GZF1: variants seen among roughly 807,000 people sequenced by gnomAD.
GZF1 encodes GDNF-inducible zinc finger protein 1.
In GZF1, 28 loss-of-function variants were observed where a neutral mutation model predicts 49.4. The ratio of observed to expected loss-of-function variants is 0.57; its 90% CI spans 0.42 to 0.78. GZF1 has a LOEUF of 0.78. GZF1 is among the 30% of genes least tolerant of loss of function. GZF1 has a pLI of 0.00. For synonymous variants in GZF1, 364 were observed against 356.0 expected (o/e 1.02, Z -0.25); for missense variants, 798 against 916.2 (o/e 0.87, Z 1.67).
upstream of GZF1, among the ~76,000 whole-genome samples, chr20:23,361,630 C>T (rs1333062495): frequency 6.6e-6 from 1 of 152,198 alleles, no homozygotes; most frequent in African/African-American, 2.4e-5. Flanking sequence ...TTCTCCAGCG[C>T]CCGTGGAGGC....
chr20:23,366,855 T>C (rs1981455623), intron 2 of GZF1, 148 bp from the exon 3 acceptor site: 1 of 638,402 alleles, frequency 1.6e-6, no homozygotes, highest in African/African-American at 1.8e-5. Context: ...TATTTTGGGA[T>C]GGAGATTATG....
In GZF1 at chr20:23,365,273, CGGAGGAGGAAGAGGAGGAGGA is replaced by C. The variant is rs547594353; in HGVS notation, c.900_920del (p.Glu300_Glu306del). 2.0e-4 allele frequency: 325 copies of C among 1,606,106 alleles called. 2 individuals are homozygous for C. The African/African-American group carries it at 4.1e-3, about 20-fold the overall frequency. ...GAGGAATTGTCAAAGAAAGCAGGGC[CGGAGGAGGAAGAGGAGGAGGA>C]GGAGGAGGACGAAGAAGGGGAGAAG... On this transcript the variant is annotated inframe_deletion, in exon 2 of 6. Coordinates refer to ENST00000338121, the MANE Select transcript of GZF1 (RefSeq NM_022482.5).
Position 23,365,607 on chromosome 20 carries a change from C to CT in GZF1, c.1225dup (p.Cys409LeufsTer58). ...ATGAGGGCGGCGGCGAGCGGCACCG[C>CT]TGCGGCCAGTGCGGCAAGGGCCTGA... On this transcript the variant is annotated frameshift_variant, in exon 2 of 6. Transcript: ENST00000338121. LOFTEE classifies it high-confidence loss of function. The CT allele has an allele frequency of 6.2e-7, 1 of 1,607,374 alleles. No individual in the cohort carries two copies. Among genetic ancestry groups the CT allele is most frequent in the Non-Finnish European group, 8.5e-7 (1 of 1,179,448 alleles).
Position 23,369,665 on chromosome 20 carries a change from CA to C in GZF1, c.1710del (p.Glu572ArgfsTer39). On this transcript the variant is annotated frameshift_variant, in exon 5 of 6. Transcript: ENST00000338121. LOFTEE classifies it high-confidence loss of function. ...NALQRHRRIH[T>X]GERPFMCNAC... ...CTCCAGCGCCACCGCCGCATCCACA[CA>C]GGGGAGAGGCCATTCATGTGCAATG... 6.2e-7 allele frequency: 1 copy of C among 1,614,194 alleles called. No individual in the cohort carries two copies. Among genetic ancestry groups the C allele is most frequent in the Non-Finnish European group, 8.5e-7 (1 of 1,180,024 alleles).
At position 23,364,617 on chromosome 20, in the gene GZF1, C is replaced by T; in HGVS notation, c.234C>T (p.Tyr78=). The T allele has an allele frequency of 6.2e-7, 1 of 1,614,234 alleles. No homozygotes were observed. The highest frequency in any genetic ancestry group is 8.5e-7 in the Non-Finnish European group (1 of 1,180,036). The change falls in exon 2 of 6, where the codon TAC becomes TAT. Residue 78 remains tyrosine (Y), a synonymous_variant. Transcript: ENST00000338121. Reference sequence around the variant, plus strand: ...TGGATGGTACTAGGACTAATGTCTACTTAAATGAAGTGCAGGTTGCTGACT... The same window carrying T: ...TGGATGGTACTAGGACTAATGTCTATTTAAATGAAGTGCAGGTTGCTGACT... The part of the protein sequence containing the change: ...KSVDGTRTNV[Y]LNEVQVADFA...
intron 1 of GZF1, 115 bp from the exon 2 acceptor site, chr20:23,364,248 T>G: frequency 1.7e-6 from 1 of 575,530 alleles, no homozygotes; most frequent in Non-Finnish European, 3.0e-6. Context: ...TTTACCTGAG[T>G]AAAGCTAGGT....
rs1254174195 is a variant in GZF1 at position 23,372,136 on chromosome 20, G to A, written c.*1695G>A. ...TTTATGGAATAAAGTCACTTGATCA[G>A]AAGGAATTGAAACAATAGATCATTT... On this transcript the variant is annotated 3_prime_UTR_variant, in exon 6 of 6. Coordinates refer to ENST00000338121, the MANE Select transcript of GZF1 (RefSeq NM_022482.5). 2.0e-5 allele frequency: 3 copies of A among 152,626 alleles called. No individual in the cohort carries two copies. The East Asian group carries it at 5.8e-4, about 29-fold the overall frequency. 9.5% of individuals were successfully genotyped at this position (152,626 alleles called of 1,614,324 possible). A position where few individuals can be genotyped will look rare whatever the true frequency, so the allele number is the denominator to read the frequency against.
In GZF1 at chr20:23,370,463, CTGTT is replaced by C. The variant is rs764150114; in HGVS notation, c.*23_*26del. The C allele has an allele frequency of 2.2e-4, 315 of 1,441,350 alleles. 1 individual carries two copies. Among genetic ancestry groups the C allele is most frequent in the Non-Finnish European group, 2.9e-4 (297 of 1,028,512 alleles). The allele number at this position is 1,441,350 out of a possible 1,614,324, so 89.3% of individuals were successfully genotyped here. A position where few individuals can be genotyped will look rare whatever the true frequency, so the allele number is the denominator to read the frequency against. On this transcript the variant is annotated 3_prime_UTR_variant, in exon 6 of 6. Coordinates refer to ENST00000338121, the MANE Select transcript of GZF1 (RefSeq NM_022482.5). ...ATAAGAGCTTCAAGCAGTTCCCATC[CTGTT>C]AGTCTGCGTGTGTGGTAGCTGAACT...
In GZF1 at chr20:23,372,215, A is replaced by C. The variant is rs1336562171; in HGVS notation, c.*1774A>C. 4 of 152,648 alleles carry C rather than the reference A, an allele frequency of 2.6e-5. No homozygotes were observed. The highest frequency in any genetic ancestry group is 9.7e-5 in the African/African-American group (4 of 41,448). 9.5% of individuals were successfully genotyped at this position (152,648 alleles called of 1,614,324 possible). On this transcript the variant is annotated 3_prime_UTR_variant, in exon 6 of 6. Coordinates refer to ENST00000338121, the MANE Select transcript of GZF1 (RefSeq NM_022482.5). ...GAATTTGTTTCCTTAGAAATTCTAC[A>C]AAAAAATGTTGTTAATAAATGTCTG...
Position 23,365,617 on chromosome 20 carries a change from T to TG in GZF1, c.1235dup (p.Cys412TrpfsTer55). On this transcript the variant is annotated frameshift_variant, in exon 2 of 6. Coordinates refer to ENST00000338121, the MANE Select transcript of GZF1 (RefSeq NM_022482.5). LOFTEE classifies it high-confidence loss of function. The stretch of plus-strand genomic sequence containing the variant: ...CGGCGAGCGGCACCGCTGCGGCCAG[T>TG]GCGGCAAGGGCCTGAGTTCCAAGAC... 1.2e-6 allele frequency: 2 copies of TG among 1,606,078 alleles called. No individual in the cohort carries two copies. Among genetic ancestry groups the TG allele is most frequent in the Non-Finnish European group, 1.7e-6 (2 of 1,179,372 alleles).
chr20:23,365,845 C>A, intron 2 of GZF1, 98 bp downstream of exon 2: 1 of 1,416,692 alleles, frequency 7.1e-7, no homozygotes, highest in Non-Finnish European at 9.2e-7. Context: ...CTTAATTTCT[C>A]CGCTCCAAAC....
chr20:23,369,533 G>A, intron 4 of GZF1, 51 bp from the exon 5 acceptor site: 1 of 1,523,628 alleles, frequency 6.6e-7, no homozygotes, highest in Non-Finnish European at 8.9e-7. Context: ...TCAGAATTAA[G>A]CACAGTAGGC....
intron 2 of GZF1, 78 bp from the exon 3 acceptor site, chr20:23,366,925 C>A: frequency 1.0e-6 from 1 of 984,112 alleles, no homozygotes; most frequent in Non-Finnish European, 1.6e-6. Flanking sequence ...ACGATTTTTG[C>A]AGGATAGAGT....
chr20:23,365,696 C>T lies in GZF1; in HGVS notation c.1313C>T (p.Thr438Ile), dbSNP rs926207548. Residue 438 changes from threonine (T) to isoleucine (I), a missense_variant, in exon 2 of 6, where the codon ACC becomes ATC. Thr to Ile is a moderately conservative substitution (Grantham distance 89, BLOSUM62 -1). Transcript: ENST00000338121. ...THTGDRPYGC[T>I]ECGARFSQPS... ...ACGGGAGACCGGCCCTACGGCTGCACCGAGTGCGGCGCCAGGTTCTCGCAG... is the reference window on the plus strand; with the variant it reads ...ACGGGAGACCGGCCCTACGGCTGCATCGAGTGCGGCGCCAGGTTCTCGCAG... 1 of 1,576,182 alleles carries T rather than the reference C, an allele frequency of 6.3e-7. No individual in the cohort carries two copies.
chr20:23,364,055 A>G (rs1057453785), intron 1 of GZF1, among the ~76,000 whole-genome samples: 9 of 152,216 alleles, frequency 5.9e-5, no homozygotes, highest in African/African-American at 2.2e-4. Context: ...AGCAAATTAG[A>G]CAGTGACCTT....
chr20:23,372,201 CTT>C lies in GZF1; in HGVS notation c.*1761_*1762del, dbSNP rs1230057101. On this transcript the variant is annotated 3_prime_UTR_variant, in exon 6 of 6. Coordinates refer to ENST00000338121, the MANE Select transcript of GZF1 (RefSeq NM_022482.5). ...GGGATTTTTGTCTTGAATTTGTTTC[CTT>C]AGAAATTCTACAAAAAAATGTTGTT... The C allele has an allele frequency of 1.3e-5, 2 of 152,510 alleles. No homozygotes were observed. The highest frequency in any genetic ancestry group is 4.8e-5 in the African/African-American group (2 of 41,424). The allele number at this position is 152,510 out of a possible 1,614,324, so 9.4% of individuals were successfully genotyped here. A position where few individuals can be genotyped will look rare whatever the true frequency, so the allele number is the denominator to read the frequency against.
chr20:23,369,728 G>A lies in GZF1; in HGVS notation c.1772G>A (p.Arg591Gln), dbSNP rs765549930. 3.1e-6 allele frequency: 5 copies of A among 1,611,482 alleles called. No homozygotes were observed. Among genetic ancestry groups the A allele is most frequent in the East Asian group, 2.2e-5 (1 of 44,874 alleles). ...GRTFTDKSTL[R>Q]RHTSIHDKNT... ...ACATTCACCGACAAGTCCACTCTTC[G>A]GCGGCACACCTCAGTAAGCAGTGGG... is the stretch of plus-strand genomic sequence containing the variant. The change falls in exon 5 of 6, where the codon CGG becomes CAG. Residue 591 changes from arginine (R) to glutamine (Q), a missense_variant. This residue lies in a region of GZF1 where 446 missense variants were observed against 540.1 expected (regional missense o/e 0.83). Transcript: ENST00000338121.
chr20:23,369,589 C>T lies in GZF1; in HGVS notation c.1633C>T (p.Arg545Cys). Reference sequence around the variant, plus strand: ...CTCCTCTCTCCCTGCCTCAGGGGAGCGTCCCTACTGCTGTGACCAGTGCGG... The same window carrying T: ...CTCCTCTCTCCCTGCCTCAGGGGAGTGTCCCTACTGCTGTGACCAGTGCGG... ...YQHIKVHTGERPYCCDQCGKQ... is the reference protein window; with the variant it reads ...YQHIKVHTGECPYCCDQCGKQ... The change falls in exon 5 of 6, where the codon CGT becomes TGT. Residue 545 changes from arginine to cysteine, a missense_variant. Around this residue, in one of 3 missense-constraint regions of GZF1, gnomAD observed 446 missense variants for 540.1 expected, o/e 0.83. Coordinates refer to ENST00000338121, the MANE Select transcript of GZF1 (RefSeq NM_022482.5). 1.2e-6 allele frequency: 2 copies of T among 1,608,988 alleles called. No individual in the cohort carries two copies. The highest frequency in any genetic ancestry group is 1.7e-6 in the Non-Finnish European group (2 of 1,177,338).
intron 2 of GZF1, among the ~76,000 whole-genome samples, chr20:23,366,722 G>A (rs918991115): frequency 2.0e-5 from 3 of 152,162 alleles, no homozygotes; most frequent in African/African-American, 7.2e-5. Flanking sequence ...CAAAGGCCTG[G>A]TCTCTACCTG....
Sources: gnomAD v4.1 joint callset for allele counts (sites outside exome capture counted in the v4.1 genomes callset) on GRCh38, gnomAD v4.1.1 for gene constraint, gnomAD v4.1.1 regional missense constraint, MANE v1.5 for transcripts, NCBI Gene and HGNC (gene_info 2026-07-23, HGNC 2026-07-21) for gene names.